The following NCKAP5 variants were observed in gnomAD, a reference collection of about 807,000 sequenced individuals.
NCKAP5 encodes the protein NCK associated protein 5.
Under a neutral mutation model 167.0 loss-of-function variants are expected in NCKAP5, and 92 were observed. The ratio of observed to expected loss-of-function variants is 0.55; its 90% CI spans 0.47 to 0.66. NCKAP5 has a LOEUF of 0.66. Ranked by LOEUF, NCKAP5 falls within the 30% of genes least tolerant of loss-of-function variation. NCKAP5 has a pLI of 0.00. For synonymous variants in NCKAP5, 891 were observed against 877.4 expected, an observed-to-expected ratio of 1.02 and a Z score of -0.27; for missense variants, 2,378 against 2,315.0, an observed-to-expected ratio of 1.03 and a Z score of -0.56.
At chr2:132,725,787 A>G in intron 18 of NCKAP5, 28 bp from the exon 19 acceptor site, 1 of 1,609,012 alleles carries the variant, frequency 6.2e-7, no homozygotes, top group South Asian at 1.1e-5. Flanking sequence ...GACTGTTAAG[A>G]TAATTCATAC....
intron 16 of NCKAP5, among the ~76,000 whole-genome samples, chr2:132,772,316 A>G (rs541048520): frequency 6.6e-6 from 1 of 152,308 alleles, no homozygotes; most frequent in Non-Finnish European, 1.5e-5. Flanking sequence ...GGCTACTGTT[A>G]TTGAGGAAGT....
chr2:133,653,560 T>G, the NCKAP5 span, among the ~76,000 whole-genome samples: 1 of 152,320 alleles, frequency 6.6e-6, no homozygotes, highest in East Asian at 1.9e-4. Context: ...TAAATGTCCT[T>G]TCAAGATGAC....
chr2:132,816,063 G>C (rs191121605), intron 11 of NCKAP5, among the ~76,000 whole-genome samples: 1 of 152,198 alleles, frequency 6.6e-6, no homozygotes, highest in East Asian at 1.9e-4. Flanking sequence ...TTCATCTTTT[G>C]AGTCTTCATT....
rs751909933 is a variant in NCKAP5 at position 132,784,918 on chromosome 2, A to G, written c.1893T>C (p.Pro631=). Residue 631 remains proline, a synonymous_variant, in exon 14 of 20, where the codon CCT becomes CCC. Transcript: ENST00000409261. Reference sequence around the variant, plus strand: ...TGGGCACTTGTTTTTCCTCCTCTTCAGGAGACCCACATAGAGATTTTCCAA... The same window carrying G: ...TGGGCACTTGTTTTTCCTCCTCTTCGGGAGACCCACATAGAGATTTTCCAA... ...VGFGKSLCGS[P]EEEEKQVPIP... 6.3e-7 allele frequency: 1 copy of G among 1,583,552 alleles called. No individual in the cohort carries two copies. Among genetic ancestry groups the G allele is most frequent in the East Asian group, 2.2e-5 (1 of 44,604 alleles).
chr2:133,482,746 T>C (rs1279234459), intron 3 of NCKAP5, among the ~76,000 whole-genome samples: 2 of 152,204 alleles, frequency 1.3e-5, no homozygotes, highest in African/African-American at 4.8e-5. Flanking sequence ...CTTTACTAGT[T>C]TGTGTTCCCA....
At chr2:133,224,916 C>T (rs577015794) in intron 4 of NCKAP5, among the ~76,000 whole-genome samples, 98 of 152,230 alleles carry the variant, frequency 6.4e-4, no homozygotes, top group African/African-American at 2.2e-3. Context: ...TGAAGAAACA[C>T]TTAATTTCTT....
At chr2:133,465,493 G>C (rs942267903) in intron 3 of NCKAP5, among the ~76,000 whole-genome samples, 4 of 152,058 alleles carry the variant, frequency 2.6e-5, no homozygotes, top group African/African-American at 9.7e-5. Flanking sequence ...CTTTATAGCA[G>C]CATGATTTAT....
the NCKAP5 span, among the ~76,000 whole-genome samples, chr2:133,587,448 C>A: frequency 2.6e-5 from 4 of 152,084 alleles, no homozygotes; most frequent in Admixed American, 6.5e-5. Context: ...GAGGTGACAT[C>A]GGAATGGAAA....
chr2:132,845,597 G>T (rs976687591), intron 11 of NCKAP5, among the ~76,000 whole-genome samples: 2 of 151,968 alleles, frequency 1.3e-5, no homozygotes, highest in Non-Finnish European at 2.9e-5. Flanking sequence ...ATAAAAATGG[G>T]CCTTTTAGAC....
chr2:133,111,468 G>T (rs896821825), intron 6 of NCKAP5, among the ~76,000 whole-genome samples: 1 of 152,206 alleles, frequency 6.6e-6, no homozygotes, highest in Non-Finnish European at 1.5e-5. Flanking sequence ...TGGGGTGAAT[G>T]AGAGTATGCC....
the NCKAP5 span, among the ~76,000 whole-genome samples, chr2:133,663,233 T>G: frequency 7.0e-6 from 1 of 142,290 alleles, no homozygotes; most frequent in African/African-American, 2.7e-5. Context: ...GCCACTGCAG[T>G]CCGCAGTCCG....
At chr2:133,386,923 T>C (rs1687014924) in intron 3 of NCKAP5, among the ~76,000 whole-genome samples, 1 of 152,174 alleles carries the variant, frequency 6.6e-6, no homozygotes, top group African/African-American at 2.4e-5. Context: ...ATCCCTTTAT[T>C]TTGAGCCTGT....
At chr2:133,663,729 G>A in the NCKAP5 span, among the ~76,000 whole-genome samples, 93 of 152,210 alleles carry the variant, frequency 6.1e-4, no homozygotes, top group Admixed American at 6.1e-3. Context: ...TCTAATTCCA[G>A]TTCTCTTGCT....
chr2:132,884,370 G>T (rs1692044735), intron 8 of NCKAP5, among the ~76,000 whole-genome samples: 1 of 152,112 alleles, frequency 6.6e-6, no homozygotes, highest in East Asian at 1.9e-4. Context: ...CAGTCCCATG[G>T]AAGCTTTTCC....
At chr2:133,256,992 A>G (rs1179073857) in intron 4 of NCKAP5, among the ~76,000 whole-genome samples, 1 of 152,120 alleles carries the variant, frequency 6.6e-6, no homozygotes, top group Non-Finnish European at 1.5e-5. Context: ...CGCGCACACA[A>G]TCACTACTCA....
intron 6 of NCKAP5, among the ~76,000 whole-genome samples, chr2:133,072,410 A>G (rs543416852): frequency 3.3e-5 from 5 of 152,116 alleles, no homozygotes; most frequent in African/African-American, 1.2e-4. Context: ...GCCTCTCCAG[A>G]CTGGAACAGG....
intron 3 of NCKAP5, among the ~76,000 whole-genome samples, chr2:133,340,402 T>A (rs528167736): frequency 6.6e-6 from 1 of 152,182 alleles, no homozygotes; most frequent in Non-Finnish European, 1.5e-5. Context: ...AAAGAACACA[T>A]GGTATTTCAA....
intron 3 of NCKAP5, among the ~76,000 whole-genome samples, chr2:133,362,662 C>G (rs958324705): frequency 2.6e-5 from 4 of 152,132 alleles, no homozygotes; most frequent in Non-Finnish European, 5.9e-5. Context: ...AAGATAAACT[C>G]CCATTCATAT....
At chr2:133,282,872 T>A (rs1161568695) in intron 4 of NCKAP5, among the ~76,000 whole-genome samples, 1 of 152,174 alleles carries the variant, frequency 6.6e-6, no homozygotes, top group Non-Finnish European at 1.5e-5. Flanking sequence ...AATTCCTGTT[T>A]CCTCAGTACT....
Sources: gnomAD v4.1 joint callset for allele counts (sites outside exome capture counted in the v4.1 genomes callset) on GRCh38, gnomAD v4.1.1 for gene constraint, MANE v1.5 for transcripts, NCBI Gene and HGNC (gene_info 2026-07-23, HGNC 2026-07-21) for gene names.